Variants in ACAP3 observed in about 807,000 individuals in gnomAD.
ACAP3 encodes ArfGAP with coiled-coil, ankyrin repeat and PH domains 3.
ACAP3 carries 56 observed loss-of-function variants against 104.1 expected under a neutral mutation model. The observed-to-expected ratio is 0.54, with a 90% CI of 0.43 to 0.67. ACAP3 has a LOEUF of 0.67. Ranked by LOEUF, ACAP3 falls within the 30% of genes least tolerant of loss-of-function variation. ACAP3 has a pLI of 0.00. For missense variants in ACAP3, 1,208 were observed against 1,174.9 expected (o/e 1.03, Z -0.41); for synonymous variants, 628 against 496.2 (o/e 1.27, Z -3.53).
At chr1:1,293,976 C>G (rs200974083) in intron 22 of ACAP3, 43 bp from the exon 23 acceptor site, 33 of 727,770 alleles carry the variant, frequency 4.5e-5, no homozygotes, top group African/African-American at 2.6e-4. Context: ...CGGGGCGGGG[C>G]GGGGCGAGTG....
In ACAP3 at chr1:1,299,944, G is replaced by A. The variant is rs550421982; in HGVS notation, c.663+29C>T. 3.1e-6 allele frequency: 5 copies of A among 1,600,544 alleles called. No individual in the cohort carries two copies. In the East Asian group the frequency reaches 1.1e-4, roughly 36 times the overall value. ...CATTAGGGAAGGTCACGGAGGCCTG[G>A]CCCAGCCCCACCCCTCCCAAAGGCT... On this transcript the variant is annotated intron_variant, in intron 8 of 23. Transcript: ENST00000354700.
chr1:1,299,037 T>C, intron 10 of ACAP3: 2 of 559,962 alleles, frequency 3.6e-6, no homozygotes, highest in Non-Finnish European at 6.3e-6. Flanking sequence ...CAGAGCCCCA[T>C]TCAGGAGGCC....
Position 1,295,628 on chromosome 1 carries a change from G to C in ACAP3, c.1706-74C>G. ...CAGGGAACCCCAGGTCACGCCGGGA[G>C]TCTGCGGAGCCTGAGGTGCCCCCAG... On this transcript the variant is annotated intron_variant, in intron 18 of 23. Coordinates refer to ENST00000354700, the MANE Select transcript of ACAP3 (RefSeq NM_030649.3). The C allele has an allele frequency of 1.9e-5, 29 of 1,566,424 alleles. No homozygotes were observed. In the South Asian group the frequency reaches 3.2e-4, roughly 17 times the overall value.
chr1:1,302,643 C>A (rs1002791755), intron 4 of ACAP3, among the ~76,000 whole-genome samples: 2 of 152,098 alleles, frequency 1.3e-5, no homozygotes, highest in African/African-American at 4.8e-5. Context: ...ACCCAAATGG[C>A]AGCCAGGCCA....
rs1215865903 is a variant in ACAP3 at position 1,302,774 on chromosome 1, A to G, written c.279+148T>C. The G allele has an allele frequency of 6.4e-5, 10 of 155,644 alleles. No individual in the cohort carries two copies. In the African/African-American group the frequency reaches 7.0e-4, roughly 11 times the overall value. 9.6% of individuals were successfully genotyped at this position (155,644 alleles called of 1,614,324 possible). A position where few individuals can be genotyped will look rare whatever the true frequency, so the allele number is the denominator to read the frequency against. Reference sequence around the variant, plus strand: ...CCCCAGGGCTGTCCCCCAACCCCACACTGACTTGAAAATGTGGGATTCCCC... The same window carrying G: ...CCCCAGGGCTGTCCCCCAACCCCACGCTGACTTGAAAATGTGGGATTCCCC... On this transcript the variant is annotated intron_variant, in intron 4 of 23. Transcript: ENST00000354700.
rs755420799 is a variant in ACAP3 at position 1,303,330 on chromosome 1, C to T, written c.106-49G>A. On this transcript the variant is annotated intron_variant, in intron 2 of 23. Transcript: ENST00000354700. The surrounding 1 kb of genome is among the most constrained non-coding windows in gnomAD (Gnocchi z 4.0). ...AGCACAGTGGGCACTGGCGCCTGCACTCGCCACCACACACGGCCACTCAGA... is the reference window on the plus strand; with the variant it reads ...AGCACAGTGGGCACTGGCGCCTGCATTCGCCACCACACACGGCCACTCAGA... 2.6e-6 allele frequency: 4 copies of T among 1,543,056 alleles called. No homozygotes were observed. The Admixed American group carries it at 5.9e-5, about 23-fold the overall frequency.
At chr1:1,299,739 G>C (rs1205198243) in intron 9 of ACAP3, 92 bp downstream of exon 9, 12 of 1,378,410 alleles carry the variant, frequency 8.7e-6, no homozygotes, top group African/African-American at 1.5e-5. Context: ...ACAGGCAGGA[G>C]GAAGGGGCGG....
intron 21 of ACAP3, 28 bp downstream of exon 21, chr1:1,294,374 C>A: frequency 6.4e-7 from 1 of 1,552,098 alleles, no homozygotes; most frequent in South Asian, 1.2e-5. Context: ...CACCTGTGTC[C>A]TGCGCGCAGC....
Position 1,301,999 on chromosome 1 carries a change from G to A in ACAP3, c.327C>T (p.Ser109=). Reference sequence around the variant, plus strand: ...TGGGGGCCACTCACTCTTTGACAAAGCTCTGGAGCTGCTGCCGCACGGACC... The same window carrying A: ...TGGGGGCCACTCACTCTTTGACAAAACTCTGGAGCTGCTGCCGCACGGACC... ...AQRSVRQQLQ[S]FVKEDVRKFK... Residue 109 remains serine, a synonymous_variant, in exon 5 of 24, where the codon AGC becomes AGT. Coordinates refer to ENST00000354700, the MANE Select transcript of ACAP3 (RefSeq NM_030649.3). 1.3e-6 allele frequency: 2 copies of A among 1,572,960 alleles called. No homozygotes were observed. The highest frequency in any genetic ancestry group is 1.7e-4 in the Middle Eastern group (1 of 5,888).
chr1:1,294,040 G>T, intron 22 of ACAP3, 50 bp downstream of exon 22: 2 of 1,499,932 alleles, frequency 1.3e-6, no homozygotes, highest in Non-Finnish European at 1.8e-6. Flanking sequence ...TAGCCGGGCC[G>T]GGGTAGGCGT....
At chr1:1,299,382 AG>A (rs143128930) in intron 9 of ACAP3, 26 bp from the exon 10 acceptor site, 95,085 of 1,530,204 alleles carry the variant, frequency 0.062, 4,060 homozygotes, top group East Asian at 0.18. Flanking sequence ...AGGAGGGGGT[AG>A]GGGGAGAAAG....
chr1:1,302,855 A>C (rs1641509819), intron 4 of ACAP3, 67 bp downstream of exon 4: 1 of 1,308,896 alleles, frequency 7.6e-7, no homozygotes, highest in African/African-American at 1.7e-5. Context: ...GCCGGCCTTC[A>C]GGTGAGCCAG....
chr1:1,300,732 G>A, intron 5 of ACAP3, 40 bp from the exon 6 acceptor site: 3 of 1,578,150 alleles, frequency 1.9e-6, no homozygotes, highest in Non-Finnish European at 2.6e-6. Context: ...GATCAGGGAG[G>A]GCACCTGCTG....
chr1:1,298,345 C>T (rs745718900), intron 12 of ACAP3, 25 bp downstream of exon 12: 2 of 1,605,846 alleles, frequency 1.2e-6, no homozygotes, highest in Non-Finnish European at 8.5e-7. Context: ...GCCATCAGGG[C>T]CCCAGCCCCA....
chr1:1,294,952 G>A (rs892720109), intron 19 of ACAP3, 136 bp from the exon 20 acceptor site: 2 of 791,956 alleles, frequency 2.5e-6, no homozygotes, highest in African/African-American at 1.8e-5. Flanking sequence ...CCAGGGCCGG[G>A]GGGAGCCAGC....
Position 1,296,121 on chromosome 1 carries a change from CAG to C in ACAP3, c.1408-14_1408-13del, listed in dbSNP as rs1557598799. On this transcript the variant is annotated splice_polypyrimidine_tract_variant and intron_variant, in intron 16 of 23. Transcript: ENST00000354700. ...AGCTCACACATCAGCTAGCGGGAGA[CAG>C]GGCGAGCAGGCATCAGTGCGAACCT... 6.2e-7 allele frequency: 1 copy of C among 1,612,520 alleles called. No homozygotes were observed. Among genetic ancestry groups the C allele is most frequent in the African/African-American group, 1.3e-5 (1 of 75,046 alleles).
At position 1,302,807 on chromosome 1, in the gene ACAP3, CG is replaced by C. The variant is rs1381119418; in HGVS notation, c.279+114del. On this transcript the variant is annotated intron_variant, in intron 4 of 23. Transcript: ENST00000354700. ...GAAAATGTGGGATTCCCCCCCCCCC[CG>C]ACTAGAGGAGCAGAAACGTGCCCCC... 1.3e-4 allele frequency: 43 copies of C among 330,064 alleles called. 1 individual carries two copies. Among genetic ancestry groups the C allele is most frequent in the Non-Finnish European group, 1.9e-4 (33 of 171,700 alleles). The allele number at this position is 330,064 out of a possible 1,614,324, so 20.4% of individuals were successfully genotyped here. A position where few individuals can be genotyped will look rare whatever the true frequency, so the allele number is the denominator to read the frequency against.
At chr1:1,293,768 G>GCCCCGCCCCTGCCCTGGAGT in intron 23 of ACAP3, 55 bp downstream of exon 23, 1 of 1,476,982 alleles carries the variant, frequency 6.8e-7, no homozygotes, top group Non-Finnish European at 8.9e-7. Context: ...TGCCCTGGAG[G>GCCCCGCCCCTGCCCTGGAGT]CCCCGCCCCT....
intron 10 of ACAP3, chr1:1,299,108 G>C: frequency 1.7e-6 from 1 of 592,418 alleles, no homozygotes; most frequent in Non-Finnish European, 3.0e-6. Flanking sequence ...GCAGAGGGGA[G>C]GGGCGGCCAC....
Sources: allele counts gnomAD v4.1 joint callset (sites outside exome capture counted in the v4.1 genomes callset), GRCh38; gene constraint gnomAD v4.1.1; non-coding constraint Gnocchi (gnomAD v3.1); transcripts MANE v1.5; gene names NCBI Gene and HGNC (gene_info 2026-07-23, HGNC 2026-07-21).